KIF1A: variants seen among roughly 807,000 people sequenced by gnomAD.
KIF1A encodes the protein kinesin-like protein KIF1A.
KIF1A carries 46 observed loss-of-function variants against 227.3 expected under a neutral mutation model. The ratio of observed to expected loss-of-function variants is 0.20; its 90% CI spans 0.16 to 0.26. The LOEUF (loss-of-function observed/expected upper bound fraction) is 0.26, where lower values mean the gene tolerates loss of function less well. Ranked by LOEUF, KIF1A falls within the 10% of genes least tolerant of loss-of-function variation. KIF1A has a pLI of 1.00. For missense variants in KIF1A, 1,683 were observed against 2,485.9 expected (o/e 0.68, Z 6.87); for synonymous variants, 1,022 against 1,012.8 (o/e 1.01, Z -0.17).
chr2:240,784,999 G>T lies in KIF1A; in HGVS notation c.710C>A (p.Thr237Asn). 1 of 1,613,172 alleles carries T rather than the reference G, an allele frequency of 6.2e-7. No individual in the cohort carries two copies. The highest frequency in any genetic ancestry group is 1.1e-5 in the South Asian group (1 of 91,074). The change falls in exon 7 of 49, where the codon ACC becomes AAC. Residue 237 changes from threonine to asparagine, a missense_variant. Thr to Asn is a moderately conservative substitution (Grantham distance 65). Transcript: ENST00000498729. ...QKRHDAETNI[T>N]TEKVSKISLV... ...AGGCCACTCACTCACCTTCTCCGTG[G>T]TGATATTGGTCTCTGCGTCATGGCG...
intron 29 of KIF1A, 112 bp from the exon 30 acceptor site, chr2:240,746,289 G>A: frequency 3.0e-6 from 4 of 1,340,962 alleles, no homozygotes; most frequent in South Asian, 2.7e-5. Context: ...CCTGGGCTGG[G>A]GCCTCCATGA....
chr2:240,727,042 G>T (rs557817994), intron 38 of KIF1A, 102 bp from the exon 39 acceptor site: 14 of 668,740 alleles, frequency 2.1e-5, no homozygotes, highest in Middle Eastern at 3.8e-4. Context: ...AGGGGCAGCC[G>T]CAAGGGAGCG....
chr2:240,788,230 G>T lies in KIF1A; in HGVS notation c.184C>A (p.Pro62Thr). 6.2e-7 allele frequency: 1 copy of T among 1,613,540 alleles called. No homozygotes were observed. The change falls in exon 4 of 49, where the codon CCT (proline) becomes ACT (threonine). Residue 62 changes from proline to threonine, a missense_variant and splice_region_variant. Physicochemically the swap from Pro to Thr is conservative, Grantham distance 38. Coordinates refer to ENST00000498729, the MANE Select transcript of KIF1A (RefSeq NM_001244008.2). This position sits in a 1 kb window ranked among gnomAD's most constrained non-coding sequence, Gnocchi z 6.6. ...FDYSYWSHTS[P>T]EDINYASQKQ... ...TGCGACGCGTAGTTGATGTCCTCAG[G>T]CTGGAGGACGAGGAAGGAATGAAGT...
At chr2:240,718,588 G>A (rs977115110) in intron 47 of KIF1A, among the ~76,000 whole-genome samples, 4 of 152,228 alleles carry the variant, frequency 2.6e-5, no homozygotes, top group Non-Finnish European at 5.9e-5. Context: ...CCAGGCTCCT[G>A]AACTTGTCCA....
intron 11 of KIF1A, among the ~76,000 whole-genome samples, chr2:240,774,973 G>T (rs1199122949): frequency 6.6e-6 from 1 of 152,170 alleles, no homozygotes; most frequent in East Asian, 1.9e-4. Flanking sequence ...GAAGGGCTGG[G>T]CACATACCAC....
Position 240,788,034 on chromosome 2 carries a change from C to CCCCCCCCCCCTCGTG in KIF1A, c.363+16_363+17insCACGAGGGGGGGGGG. 2 of 1,449,062 alleles carry CCCCCCCCCCCTCGTG rather than the reference C, an allele frequency of 1.4e-6. No homozygotes were observed. The highest frequency in any genetic ancestry group is 1.9e-6 in the Non-Finnish European group (2 of 1,059,102). The allele number at this position is 1,449,062 out of a possible 1,614,324, so 89.8% of individuals were successfully genotyped here. ...CCCATCTGCCAGGGCTGCCCCCGCC[C>CCCCCCCCCCCTCGTG]GCCCCCCGCTTCGTGCCTGTGGGAT... On this transcript the variant is annotated intron_variant, in intron 4 of 48. Coordinates refer to ENST00000498729, the MANE Select transcript of KIF1A (RefSeq NM_001244008.2). This position sits in a 1 kb window ranked among gnomAD's most constrained non-coding sequence, Gnocchi z 6.6.
chr2:240,721,166 G>A lies in KIF1A; in HGVS notation c.4744-128C>T, dbSNP rs866850402. On this transcript the variant is annotated intron_variant, in intron 44 of 48. Transcript: ENST00000498729. ...GGGCACCCCACCCCTCCTACCAGCA[G>A]CCTTGGCTCAAAGTTGGCCAGCTCA... 1.3e-4 allele frequency: 162 copies of A among 1,277,788 alleles called. No homozygotes were observed. In the African/African-American group the frequency reaches 2.2e-3, roughly 17 times the overall value. The allele number at this position is 1,277,788 out of a possible 1,614,324, so 79.2% of individuals were successfully genotyped here. A position where few individuals can be genotyped will look rare whatever the true frequency, so the allele number is the denominator to read the frequency against.
intron 4 of KIF1A, 119 bp from the exon 5 acceptor site, chr2:240,787,435 G>T (rs2126087671): frequency 3.7e-6 from 3 of 815,564 alleles, no homozygotes; most frequent in Admixed American, 1.8e-5. Context: ...GGCCCCTCTT[G>T]CACCCTCACC....
chr2:240,804,675 C>T lies in KIF1A; in HGVS notation c.-60-6863G>A, dbSNP rs192797808. Among the ~76,000 whole-genome samples, 158 of 152,252 alleles carry T rather than the reference C, an allele frequency of 1.0e-3. 2 individuals carry two copies. Among genetic ancestry groups the T allele is most frequent in the African/African-American group, 3.2e-3 (133 of 41,554 alleles). On this transcript the variant is annotated intron_variant, in intron 1 of 48. Transcript: ENST00000498729. ...GGGACACGGGAATTAATCTGAATGA[C>T]GCCCAGCTCTAGGTGGTGAAAAAGC...
Position 240,719,111 on chromosome 2 carries a change from G to A in KIF1A, c.5109C>T (p.Pro1703=). The change falls in exon 47 of 49, where the codon CCC becomes CCT. Residue 1703 remains proline, a synonymous_variant. Coordinates refer to ENST00000498729, the MANE Select transcript of KIF1A (RefSeq NM_001244008.2). The part of the protein sequence containing the change: ...WARRFVVVRR[P]YAYMYNSDKD... The stretch of plus-strand genomic sequence containing the variant: ...TGTCGCTGTTGTACATGTAGGCATA[G>A]GGGCGCCGCACCACCACGAAGCGCC... 6.2e-7 allele frequency: 1 copy of A among 1,612,626 alleles called. No homozygotes were observed. The highest frequency in any genetic ancestry group is 8.5e-7 in the Non-Finnish European group (1 of 1,179,756).
chr2:240,734,997 G>A (rs1043894569), intron 38 of KIF1A, among the ~76,000 whole-genome samples: 1 of 152,190 alleles, frequency 6.6e-6, no homozygotes, highest in Non-Finnish European at 1.5e-5. Context: ...CCTTGGAGCA[G>A]CCCGGCCCAT....
rs760855881 is a variant in KIF1A at position 240,717,036 on chromosome 2, C to T, written c.*328G>A. The T allele has an allele frequency of 1.2e-5, 4 of 337,364 alleles. No homozygotes were observed. The highest frequency in any genetic ancestry group is 1.6e-5 in the Non-Finnish European group (3 of 185,576). 20.9% of individuals were successfully genotyped at this position (337,364 alleles called of 1,614,324 possible). On this transcript the variant is annotated 3_prime_UTR_variant, in exon 49 of 49. Transcript: ENST00000498729. The stretch of plus-strand genomic sequence containing the variant: ...TGACTGTTTCAATGTCACTAACTAA[C>T]GTATATTAATTATAAGTCTGTCTAT...
chr2:240,773,283 G>A (rs754488041), intron 12 of KIF1A, 27 bp from the exon 13 acceptor site: 1 of 1,613,460 alleles, frequency 6.2e-7, no homozygotes, highest in African/African-American at 1.3e-5. Context: ...GCTGTGGGCT[G>A]TGCTCGGGAC....
Position 240,793,224 on chromosome 2 carries a change from G to C in KIF1A, c.107-3912C>G, listed in dbSNP as rs1369489138. Among the ~76,000 whole-genome samples, 1 of 152,222 alleles carries C rather than the reference G, an allele frequency of 6.6e-6. No individual in the cohort carries two copies. Among genetic ancestry groups the C allele is most frequent in the African/African-American group, 2.4e-5 (1 of 41,458 alleles). ...CCTGGGTCCAGATCCCCATCTGTGG[G>C]CAAGGGCAGAGATGAGAGGCCACCC... On this transcript the variant is annotated intron_variant, in intron 2 of 48. Transcript: ENST00000498729. The surrounding 1 kb of genome is among the most constrained non-coding windows in gnomAD (Gnocchi z 4.8).
Position 240,739,820 on chromosome 2 carries a change from C to T in KIF1A, c.3901+238G>A, listed in dbSNP as rs1029327410. Among the ~76,000 whole-genome samples the T allele has an allele frequency of 6.6e-6, 1 of 152,162 alleles. No individual in the cohort carries two copies. Among genetic ancestry groups the T allele is most frequent in the Non-Finnish European group, 1.5e-5 (1 of 68,024 alleles). On this transcript the variant is annotated intron_variant, in intron 37 of 48. Transcript: ENST00000498729. This position sits in a 1 kb window ranked among gnomAD's most constrained non-coding sequence, Gnocchi z 5.6. ...AGCTACCTGGTTTGTGGTATTTTGTCATGGCAGCCCCAGAACTCCAATACA... is the reference window on the plus strand; with the variant it reads ...AGCTACCTGGTTTGTGGTATTTTGTTATGGCAGCCCCAGAACTCCAATACA...
At position 240,719,192 on chromosome 2, in the gene KIF1A, G is replaced by C. The variant is rs369233025; in HGVS notation, c.5028C>G (p.Ile1676Met). Residue 1676 changes from isoleucine to methionine, a missense_variant, in exon 47 of 49, where the codon ATC (isoleucine) becomes ATG (methionine). Transcript: ENST00000498729. ...AGTGCAGGTACCCCTTCTTGGAAAC[G>C]ATCGGGCTGAAGGCAGAGAGAGCTG... ...PDIQEIRVSP[I>M]VSKKGYLHFL... The C allele has an allele frequency of 6.2e-7, 1 of 1,604,280 alleles. No homozygotes were observed. Among genetic ancestry groups the C allele is most frequent in the Admixed American group, 1.7e-5 (1 of 58,974 alleles).
In KIF1A at chr2:240,723,548, G is replaced by T; in HGVS notation, c.4329C>A (p.Arg1443=). The part of the protein sequence containing the change: ...VADAGSPGMQ[R]RRRRVLDTSV... ...ATGTGTCCAGGACTCGTCGGCGCCG[G>T]CGCTGCATCCCTGCATGGGGCACGT... is the stretch of plus-strand genomic sequence containing the variant. Residue 1443 remains arginine (R), a synonymous_variant, in exon 42 of 49, where the codon CGC becomes CGA. Transcript: ENST00000498729. 1 of 1,536,782 alleles carries T rather than the reference G, an allele frequency of 6.5e-7. No homozygotes were observed. Among genetic ancestry groups the T allele is most frequent in the Admixed American group, 1.9e-5 (1 of 51,348 alleles).
Position 240,740,407 on chromosome 2 carries a change from C to G in KIF1A, c.3750-43G>C. 1 of 1,523,286 alleles carries G rather than the reference C, an allele frequency of 6.6e-7. No individual in the cohort carries two copies. Among genetic ancestry groups the G allele is most frequent in the Non-Finnish European group, 9.1e-7 (1 of 1,097,990 alleles). The allele number at this position is 1,523,286 out of a possible 1,614,324, so 94.4% of individuals were successfully genotyped here. ...ATGTGAGGAGCGGCCAGCCCCTCCT[C>G]TCTGCCCTCCCCGCAGCACAGGACA... On this transcript the variant is annotated intron_variant, in intron 35 of 48. Transcript: ENST00000498729. The surrounding 1 kb of genome is among the most constrained non-coding windows in gnomAD (Gnocchi z 6.1).
At chr2:240,810,101 A>AC (rs1349154565) in intron 1 of KIF1A, among the ~76,000 whole-genome samples, 1 of 152,206 alleles carries the variant, frequency 6.6e-6, no homozygotes, top group African/African-American at 2.4e-5. Flanking sequence ...GGTGCGAGCC[A>AC]CCGCACCCAG....
Sources: allele counts gnomAD v4.1 joint callset (sites outside exome capture counted in the v4.1 genomes callset), GRCh38; gene constraint gnomAD v4.1.1; non-coding constraint Gnocchi (gnomAD v3.1); transcripts MANE v1.5; gene names NCBI Gene and HGNC (gene_info 2026-07-23, HGNC 2026-07-21).